Variants in ALLC observed in about 807,000 individuals in gnomAD.
ALLC encodes allantoicase.
In ALLC, 40 loss-of-function variants were observed where a neutral mutation model predicts 45.0. The observed-to-expected ratio is 0.89, with a 90% CI of 0.69 to 1.16. ALLC has a LOEUF of 1.16. ALLC is among the 50% of genes most tolerant of loss of function. ALLC has a pLI of 0.00. For synonymous variants in ALLC, 176 were observed against 178.1 expected, an observed-to-expected ratio of 0.99 and a Z score of 0.09; for missense variants, 488 against 493.1, an observed-to-expected ratio of 0.99 and a Z score of 0.10.
intron 3 of ALLC, 138 bp downstream of exon 3, chr2:3,674,263 A>G (rs1348041640): frequency 1.4e-6 from 1 of 710,964 alleles, no homozygotes; most frequent in Non-Finnish European, 2.5e-6. Flanking sequence ...GAATGTTAGA[A>G]AGACATGCAA....
upstream of ALLC, among the ~76,000 whole-genome samples, chr2:3,657,543 A>G (rs1401004382): frequency 6.6e-6 from 1 of 152,082 alleles, no homozygotes; most frequent in African/African-American, 2.4e-5. Flanking sequence ...TCATCTGCAG[A>G]GTGGATAGCT....
At chr2:3,669,728 C>T (rs1482847681) in intron 1 of ALLC, among the ~76,000 whole-genome samples, 3 of 152,014 alleles carry the variant, frequency 2.0e-5, no homozygotes, top group Non-Finnish European at 4.4e-5. Flanking sequence ...AGACTGGGTG[C>T]GAGGAAGGGG....
At chr2:3,676,869 C>T (rs1051350854) in intron 3 of ALLC, among the ~76,000 whole-genome samples, 3 of 151,710 alleles carry the variant, frequency 2.0e-5, no homozygotes, top group Non-Finnish European at 2.9e-5. Context: ...CTCACCACAA[C>T]CTCCACCTCC....
chr2:3,674,209 T>A, intron 3 of ALLC, 84 bp downstream of exon 3: 1 of 1,049,070 alleles, frequency 9.5e-7, no homozygotes, highest in Non-Finnish European at 1.4e-6. Flanking sequence ...CCCTGTATAT[T>A]TGGGATGGAG....
At chr2:3,672,617 AGGAGGTCCTCTGGCTCTGGTTAGATG>A (rs1666916524) in intron 2 of ALLC, among the ~76,000 whole-genome samples, 3 of 73,596 alleles carry the variant, frequency 4.1e-5, no homozygotes, top group African/African-American at 1.3e-4. Context: ...CTGGTTAGAT[AGGAGGTCCTCTGGCTCTGGTTAGATG>A]GGAGGTCCTC....
At chr2:3,651,778 A>T in the ALLC span, among the ~76,000 whole-genome samples, 1 of 152,096 alleles carries the variant, frequency 6.6e-6, no homozygotes, top group Non-Finnish European at 1.5e-5. Flanking sequence ...TCCCTGACAG[A>T]TGTCGCGTGG....
At chr2:3,666,556 G>A (rs1666730225) in intron 1 of ALLC, among the ~76,000 whole-genome samples, 1 of 152,236 alleles carries the variant, frequency 6.6e-6, no homozygotes, top group South Asian at 2.1e-4. Flanking sequence ...CTCCCTGTGT[G>A]GAGTGTGCAT....
upstream of ALLC, among the ~76,000 whole-genome samples, chr2:3,657,402 G>A (rs955247796): frequency 1.3e-5 from 2 of 152,174 alleles, no homozygotes; most frequent in African/African-American, 2.4e-5. Context: ...TCCCTGGGAC[G>A]CAGGTTGTCT....
rs2043080 is a variant in ALLC at position 3,678,573 on chromosome 2, T to C, written c.172+18T>C. On this transcript the variant is annotated intron_variant, in intron 4 of 11. Transcript: ENST00000252505. ...GATTCCAGGTAATAACAACGGTTCGTTCATCGAAGTGCAGCTGACACTGCA... is the reference window on the plus strand; with the variant it reads ...GATTCCAGGTAATAACAACGGTTCGCTCATCGAAGTGCAGCTGACACTGCA... 0.46 allele frequency: 739,733 copies of C among 1,606,974 alleles called. 175,056 individuals are homozygous for C. Among genetic ancestry groups the C allele is most frequent in the African/African-American group, 0.67 (50,005 of 74,860 alleles).
At chr2:3,701,473 A>G (rs1258868517) in intron 10 of ALLC, 39 bp from the exon 11 acceptor site, 1 of 1,547,184 alleles carries the variant, frequency 6.5e-7, no homozygotes, top group Non-Finnish European at 8.8e-7. Flanking sequence ...ACTGAGTGCA[A>G]ATGCGGGCAG....
chr2:3,651,246 T>TG, the ALLC span, among the ~76,000 whole-genome samples: 2 of 140,010 alleles, frequency 1.4e-5, no homozygotes, highest in African/African-American at 5.3e-5. Context: ...CGGGGAGGTT[T>TG]GCAGAGCCAC....
intron 7 of ALLC, among the ~76,000 whole-genome samples, chr2:3,683,627 A>T (rs148481009): frequency 6.6e-6 from 1 of 152,220 alleles, no homozygotes; most frequent in Non-Finnish European, 1.5e-5. Flanking sequence ...GACATTTCAT[A>T]TAAGTAGGAA....
intron 1 of ALLC, among the ~76,000 whole-genome samples, chr2:3,661,406 G>A (rs1321838037): frequency 2.0e-5 from 3 of 152,178 alleles, no homozygotes; most frequent in Non-Finnish European, 4.4e-5. Context: ...AATTAAGCTT[G>A]GCCTGTGGGG....
At chr2:3,647,261 T>C in the ALLC span, among the ~76,000 whole-genome samples, 2 of 152,136 alleles carry the variant, frequency 1.3e-5, no homozygotes, top group African/African-American at 4.8e-5. Context: ...AACTTTGCTC[T>C]AGTTGAGGGT....
At chr2:3,656,255 A>T (rs1377689824), upstream of ALLC, among the ~76,000 whole-genome samples, 1 of 152,192 alleles carries the variant, frequency 6.6e-6, no homozygotes, top group Non-Finnish European at 1.5e-5. Flanking sequence ...GAGAATCCTC[A>T]TGTCTTGGCA....
intron 1 of ALLC, among the ~76,000 whole-genome samples, chr2:3,659,933 CT>C (rs1001686785): frequency 1.3e-5 from 2 of 152,242 alleles, no homozygotes; most frequent in African/African-American, 4.8e-5. Context: ...GGAGGCCCAG[CT>C]TTAAACGGTC....
intron 2 of ALLC, among the ~76,000 whole-genome samples, 154 bp downstream of exon 2, chr2:3,671,344 G>A (rs1428209349): frequency 6.6e-6 from 1 of 152,264 alleles, no homozygotes; most frequent in Non-Finnish European, 1.5e-5. Context: ...GACTTCCAAA[G>A]AATTTATCTT....
chr2:3,658,550 A>G (rs1387077011), intron 1 of ALLC, among the ~76,000 whole-genome samples: 16 of 151,272 alleles, frequency 1.1e-4, no homozygotes, highest in Non-Finnish European at 1.8e-4. Context: ...GTTTCAAATC[A>G]TGTGACTTTG....
rs377253960 is a variant in ALLC at position 3,696,332 on chromosome 2, G to A, written c.725G>A (p.Arg242Gln). 120 of 1,612,388 alleles carry A rather than the reference G, an allele frequency of 7.4e-5. No individual in the cohort carries two copies. Among genetic ancestry groups the A allele is most frequent in the South Asian group, 2.5e-4 (23 of 90,766 alleles). Residue 242 changes from arginine to glutamine, a missense_variant, in exon 9 of 12, where the codon CGG becomes CAG. Transcript: ENST00000252505. ...DGWETARRLD[R>Q]PPILENDENG... ...TGGGAAACTGCAAGAAGGCTGGACC[G>A]GCCACCAATATTAGAAGTAAGAAGT...
Sources: gnomAD v4.1 joint callset for allele counts (sites outside exome capture counted in the v4.1 genomes callset) on GRCh38, gnomAD v4.1.1 for gene constraint, MANE v1.5 for transcripts, NCBI Gene and HGNC (gene_info 2026-07-23, HGNC 2026-07-21) for gene names.